SIRT7: variants seen among roughly 807,000 people sequenced by gnomAD.
SIRT7 encodes sirtuin 7, also known as NAD-dependent protein deacetylase sirtuin-7.
SIRT7 carries 32 observed loss-of-function variants against 42.8 expected under a neutral mutation model. The ratio of observed to expected loss-of-function variants is 0.75; its 90% confidence interval spans 0.56 to 1.00. The LOEUF (loss-of-function observed/expected upper bound fraction) is 1.00. SIRT7 is among the 50% of genes least tolerant of loss of function. The pLI is 0.00. For synonymous variants in SIRT7, 297 were observed against 245.2 expected, an observed-to-expected ratio of 1.21 and a Z score of -1.97; for missense variants, 553 against 572.2, an observed-to-expected ratio of 0.97 and a Z score of 0.34.
chr17:81,915,984 CAT>C (rs1463709532), intron 3 of SIRT7: 14 of 421,658 alleles, frequency 3.3e-5, no homozygotes, highest in South Asian at 1.9e-4. Context: ...CTCTGTGGCA[CAT>C]GTGTCCTCCA....
chr17:81,913,575 G>A lies in SIRT7; in HGVS notation c.1004+199C>T, dbSNP rs2040735356. ...CGCGGGGATTGTGTGTGCCACATCAGCCAGGGCAGGAGTGGCACACGCAGG... is the reference window on the plus strand; with the variant it reads ...CGCGGGGATTGTGTGTGCCACATCAACCAGGGCAGGAGTGGCACACGCAGG... On this transcript the variant is annotated intron_variant, in intron 9 of 9. Transcript: ENST00000328666. This position sits in a 1 kb window ranked among gnomAD's most constrained non-coding sequence, Gnocchi z 5.0. 3.5e-6 allele frequency: 2 copies of A among 579,696 alleles called. No homozygotes were observed. Among genetic ancestry groups the A allele is most frequent in the Non-Finnish European group, 6.2e-6 (2 of 323,794 alleles). The allele number at this position is 579,696 out of a possible 1,614,324, so 35.9% of individuals were successfully genotyped here.
At position 81,913,694 on chromosome 17, in the gene SIRT7, C is replaced by A; in HGVS notation, c.1004+80G>T. On this transcript the variant is annotated intron_variant, in intron 9 of 9. Transcript: ENST00000328666. The surrounding 1 kb of genome is among the most constrained non-coding windows in gnomAD (Gnocchi z 5.0). ...TGCAAACACCTCAGAGCTTCCTCCA[C>A]ACTCAGCTCACGAGAGAAGACAGAC... 1 of 1,229,640 alleles carries A rather than the reference C, an allele frequency of 8.1e-7. No individual in the cohort carries two copies. The highest frequency in any genetic ancestry group is 1.2e-6 in the Non-Finnish European group (1 of 861,388). 76.2% of individuals were successfully genotyped at this position (1,229,640 alleles called of 1,614,324 possible).
Position 81,913,495 on chromosome 17 carries a change from G to A in SIRT7, c.1004+279C>T, listed in dbSNP as rs548300317. 60 of 466,852 alleles carry A rather than the reference G, an allele frequency of 1.3e-4. No homozygotes were observed. In the Admixed American group the frequency reaches 1.4e-3, roughly 11 times the overall value. The allele number at this position is 466,852 out of a possible 1,614,324, so 28.9% of individuals were successfully genotyped here. On this transcript the variant is annotated intron_variant, in intron 9 of 9. Coordinates refer to ENST00000328666, the MANE Select transcript of SIRT7 (RefSeq NM_016538.3). This position sits in a 1 kb window ranked among gnomAD's most constrained non-coding sequence, Gnocchi z 5.0. ...CCAGATGCTTCCCACCAGGCATCTC[G>A]GAGAGCTCCACGGGGAGGCCTGGAG... is the stretch of plus-strand genomic sequence containing the variant.
intron 5 of SIRT7, 133 bp from the exon 6 acceptor site, chr17:81,914,835 G>C (rs1213983634): frequency 5.8e-6 from 4 of 693,800 alleles, no homozygotes; most frequent in Admixed American, 4.4e-5. Flanking sequence ...CGTCCCCCCA[G>C]AGAGCCTTAG....
At chr17:81,917,245 C>T (rs2040821622) in intron 3 of SIRT7, 1 of 176,716 alleles carries the variant, frequency 5.7e-6, no homozygotes, top group Non-Finnish European at 1.2e-5. Context: ...AGTGAAACTT[C>T]TCAAAACACA....
intron 9 of SIRT7, 92 bp from the exon 10 acceptor site, chr17:81,912,706 C>T: frequency 2.2e-6 from 3 of 1,351,132 alleles, no homozygotes; most frequent in Non-Finnish European, 3.1e-6. Context: ...CGGTCCCTGC[C>T]TTCCCATCCC....
In SIRT7 at chr17:81,913,997, C is replaced by A. The variant is rs1187454625; in HGVS notation, c.897+90G>T. 7.0e-6 allele frequency: 11 copies of A among 1,572,030 alleles called. No individual in the cohort carries two copies. The highest frequency in any genetic ancestry group is 9.6e-6 in the Non-Finnish European group (11 of 1,148,772). On this transcript the variant is annotated intron_variant, in intron 8 of 9. Transcript: ENST00000328666. This position sits in a 1 kb window ranked among gnomAD's most constrained non-coding sequence, Gnocchi z 5.0. ...CCCTGAGCACCCACGGGGGCCCTAT[C>A]AGACCGCCCTGGTGCATGGGTGTGG... is the stretch of plus-strand genomic sequence containing the variant.
chr17:81,914,013 A>G, intron 8 of SIRT7, 74 bp downstream of exon 8: 4 of 1,588,258 alleles, frequency 2.5e-6, no homozygotes, highest in Non-Finnish European at 3.4e-6. Context: ...GCCCTGGTGC[A>G]TGGGTGTGGG....
At chr17:81,912,911 G>A (rs559229837) in intron 9 of SIRT7, 28 of 477,818 alleles carry the variant, frequency 5.9e-5, no homozygotes, top group East Asian at 4.1e-4. Flanking sequence ...TGGGGCAGCA[G>A]TGGCCCCAGG....
In SIRT7 at chr17:81,914,314, A is replaced by G; in HGVS notation, c.796T>C (p.Cys266Arg). The G allele has an allele frequency of 6.2e-7, 1 of 1,613,082 alleles. No individual in the cohort carries two copies. Among genetic ancestry groups the G allele is most frequent in the Non-Finnish European group, 8.5e-7 (1 of 1,179,982 alleles). ...EAASRADTIL[C>R]LGSSLKVLKK... ...CGTACCTTCAGGCTGGACCCTAGAC[A>G]CAGGATGGTGTCTGCTCTGCTGGCA... Residue 266 changes from cysteine to arginine, a missense_variant, in exon 7 of 10, where the codon TGT becomes CGT. Transcript: ENST00000328666.
At chr17:81,912,913 G>A in intron 9 of SIRT7, 1 of 472,412 alleles carries the variant, frequency 2.1e-6, no homozygotes, top group Admixed American at 3.5e-5. Context: ...GGGCAGCAGT[G>A]GCCCCAGGGC....
chr17:81,917,316 T>C (rs1461193041), intron 3 of SIRT7: 2 of 298,370 alleles, frequency 6.7e-6, no homozygotes, highest in East Asian at 5.4e-5. Flanking sequence ...TCTACTTATC[T>C]TCCCTCGACA....
chr17:81,915,673 A>G lies in SIRT7; in HGVS notation c.345T>C (p.Ser115=). ...CATTAGGGCCCCGGTAGTCTGGGATAGACGCTGCCTGCATGTCGAGAAAAA... is the reference window on the plus strand; with the variant it reads ...CATTAGGGCCCCGGTAGTCTGGGATGGACGCTGCCTGCATGTCGAGAAAAA... ...YTGAGISTAA[S]IPDYRGPNGV... Residue 115 remains serine (S), a synonymous_variant, in exon 4 of 10, where the codon TCT becomes TCC. Transcript: ENST00000328666. 2 of 1,613,910 alleles carry G rather than the reference A, an allele frequency of 1.2e-6. No individual in the cohort carries two copies. The highest frequency in any genetic ancestry group is 2.2e-5 in the South Asian group (2 of 91,062).
In SIRT7 at chr17:81,918,065, C is replaced by T. The variant is rs2040841661; in HGVS notation, c.67G>A (p.Glu23Lys). 1 of 1,542,286 alleles carries T rather than the reference C, an allele frequency of 6.5e-7. No individual in the cohort carries two copies. Among genetic ancestry groups the T allele is most frequent in the Non-Finnish European group, 8.7e-7 (1 of 1,155,426 alleles). The change falls in exon 1 of 10, where the codon GAG (glutamate) becomes AAG (lysine). Residue 23 changes from glutamate (E) to lysine (K), a missense_variant. Coordinates refer to ENST00000328666, the MANE Select transcript of SIRT7 (RefSeq NM_016538.3). ...AAERVRRLREEQQRERLRQVS... is the reference protein window; with the variant it reads ...AAERVRRLREKQQRERLRQVS... ...TGGCGGAGGCGCTCCCTCTGCTGCT[C>T]CTCCCGCAACCTCCGGACCCGCTCC... is the stretch of plus-strand genomic sequence containing the variant.
chr17:81,913,005 C>T lies in SIRT7; in HGVS notation c.1005-391G>A. The T allele has an allele frequency of 5.4e-6, 2 of 371,372 alleles. No homozygotes were observed. Among genetic ancestry groups the T allele is most frequent in the Non-Finnish European group, 1.0e-5 (2 of 195,396 alleles). The allele number at this position is 371,372 out of a possible 1,614,324, so 23.0% of individuals were successfully genotyped here. A position where few individuals can be genotyped will look rare whatever the true frequency, so the allele number is the denominator to read the frequency against. On this transcript the variant is annotated intron_variant, in intron 9 of 9. Transcript: ENST00000328666. This position sits in a 1 kb window ranked among gnomAD's most constrained non-coding sequence, Gnocchi z 5.0. ...ACCGCTGGGGCAGGTGGACCAGACC[C>T]TCTCCCCCTTCCCAGCTGACTAGGG...
chr17:81,913,307 G>A lies in SIRT7; in HGVS notation c.1004+467C>T, dbSNP rs1256796287. 2.2e-6 allele frequency: 1 copy of A among 456,192 alleles called. No homozygotes were observed. The highest frequency in any genetic ancestry group is 1.6e-5 in the South Asian group (1 of 64,234). The allele number at this position is 456,192 out of a possible 1,614,324, so 28.3% of individuals were successfully genotyped here. A position where few individuals can be genotyped will look rare whatever the true frequency, so the allele number is the denominator to read the frequency against. On this transcript the variant is annotated intron_variant, in intron 9 of 9. Coordinates refer to ENST00000328666, the MANE Select transcript of SIRT7 (RefSeq NM_016538.3). The surrounding 1 kb of genome is among the most constrained non-coding windows in gnomAD (Gnocchi z 5.0). Reference sequence around the variant, plus strand: ...CCCTATAAGACCCTGAAAATTCACAGAGAAAGAGAGTGTAAACTTTTTACT... The same window carrying A: ...CCCTATAAGACCCTGAAAATTCACAAAGAAAGAGAGTGTAAACTTTTTACT...
At chr17:81,914,732 G>T (rs1371138963) in intron 5 of SIRT7, 30 bp from the exon 6 acceptor site, 2 of 1,580,932 alleles carry the variant, frequency 1.3e-6, no homozygotes, top group South Asian at 1.1e-5. Flanking sequence ...GCAAGGGGAG[G>T]GATGGCTGCC....
Position 81,918,158 on chromosome 17 carries a change from C to T in SIRT7, c.-27G>A, listed in dbSNP as rs1422192535. On this transcript the variant is annotated 5_prime_UTR_variant, in exon 1 of 10. Transcript: ENST00000328666. ...GCTCCCCTGGAGACCTGCTCTTCCGCTTCCGCCTCACACGGCAGGCCGCGC... is the reference window on the plus strand; with the variant it reads ...GCTCCCCTGGAGACCTGCTCTTCCGTTTCCGCCTCACACGGCAGGCCGCGC... 1.3e-6 allele frequency: 2 copies of T among 1,535,250 alleles called. No homozygotes were observed. The highest frequency in any genetic ancestry group is 1.7e-6 in the Non-Finnish European group (2 of 1,151,616).
In SIRT7 at chr17:81,918,175, AG is replaced by A. The variant is rs1294316690; in HGVS notation, c.-45del. 1 of 1,509,128 alleles carries A rather than the reference AG, an allele frequency of 6.6e-7. No homozygotes were observed. Among genetic ancestry groups the A allele is most frequent in the Non-Finnish European group, 8.8e-7 (1 of 1,137,420 alleles). The allele number at this position is 1,509,128 out of a possible 1,614,324, so 93.5% of individuals were successfully genotyped here. ...CTCTTCCGCTTCCGCCTCACACGGC[AG>A]GCCGCGCTCAGGGCGCATGCGCAAG... is the stretch of plus-strand genomic sequence containing the variant. On this transcript the variant is annotated 5_prime_UTR_variant, in exon 1 of 10. Transcript: ENST00000328666.
Sources: gnomAD v4.1 joint callset for allele counts on GRCh38, gnomAD v4.1.1 for gene constraint, Gnocchi (gnomAD v3.1) non-coding constraint, MANE v1.5 for transcripts, NCBI Gene and HGNC (gene_info 2026-07-23, HGNC 2026-07-21) for gene names.